The following PLAC1 variants were observed in gnomAD, a reference collection of about 807,000 sequenced individuals.
PLAC1 encodes placenta associated 1, also known as placenta-specific protein 1.
For missense variants in PLAC1, 136 were observed against 163.2 expected (o/e 0.83, Z 0.91); for synonymous variants, 68 against 62.1 (o/e 1.09, Z -0.44).
chrX:134,585,322 G>C (rs968765833), intron 2 of PLAC1, among the ~76,000 whole-genome samples: 5 of 110,364 alleles, frequency 4.5e-5, no homozygotes, highest in Middle Eastern at 4.7e-3. Context: ...ACTCCAGCCT[G>C]GGTGACAGAG....
intron 1 of PLAC1, among the ~76,000 whole-genome samples, chrX:134,611,594 T>C (rs1289492302): frequency 3.7e-5 from 4 of 108,569 alleles, no homozygotes; most frequent in African/African-American, 1.3e-4. Context: ...TATATATGCA[T>C]ATATATTTGC....
At position 134,637,327 on chromosome X, in the gene PLAC1, C is replaced by T. The variant is rs1249204012; in HGVS notation, c.-131+21001G>A. Among the ~76,000 whole-genome samples the T allele has an allele frequency of 2.7e-5, 3 of 111,630 alleles. No individual in the cohort carries two copies. In the East Asian group the frequency reaches 8.5e-4, roughly 32 times the overall value. ...CAGAAGGAAGAAGACATTGACCAGGCTTTCCCCCAACTGTTCCACCTCCCT... is the reference window on the plus strand; with the variant it reads ...CAGAAGGAAGAAGACATTGACCAGGTTTTCCCCCAACTGTTCCACCTCCCT... On this transcript the variant is annotated intron_variant, in intron 1 of 2. Transcript: ENST00000359237.
chrX:134,586,199 T>C (rs1392877645), intron 2 of PLAC1, among the ~76,000 whole-genome samples: 1 of 111,759 alleles, frequency 8.9e-6, no homozygotes, highest in Admixed American at 9.5e-5. Flanking sequence ...GGCATTTTCC[T>C]GCCCCACCGC....
chrX:134,674,756 T>C (rs912160174), intron 2 of PLAC1, among the ~76,000 whole-genome samples: 1 of 112,219 alleles, frequency 8.9e-6, no homozygotes, highest in Admixed American at 9.4e-5. Flanking sequence ...AGAAACTATT[T>C]TGGAGTATTC....
intron 1 of PLAC1, among the ~76,000 whole-genome samples, chrX:134,632,621 C>G (rs2078267573): frequency 8.9e-6 from 1 of 111,890 alleles, no homozygotes; most frequent in South Asian, 3.8e-4. Context: ...CCTGTCCCAT[C>G]CCATCAACAC....
chrX:134,634,133 A>G (rs2078273167), intron 1 of PLAC1, among the ~76,000 whole-genome samples: 1 of 111,728 alleles, frequency 9.0e-6, no homozygotes, highest in African/African-American at 3.3e-5. Context: ...ATGTTTCTAT[A>G]AAGGGGGAAA....
intron 2 of PLAC1, among the ~76,000 whole-genome samples, chrX:134,586,121 A>C (rs908109963): frequency 4.5e-5 from 5 of 111,950 alleles, no homozygotes; most frequent in African/African-American, 1.6e-4. Flanking sequence ...CTGTGAAAAA[A>C]AAAATTCTTC....
At chrX:134,576,373 C>T (rs2124354428) in intron 2 of PLAC1, among the ~76,000 whole-genome samples, 1 of 108,744 alleles carries the variant, frequency 9.2e-6, no homozygotes, top group South Asian at 4.0e-4. Flanking sequence ...CCTGTCTCTA[C>T]TAAAAACACA....
chrX:134,739,103 A>G (rs1305262421), intron 1 of PLAC1, among the ~76,000 whole-genome samples: 2 of 112,113 alleles, frequency 1.8e-5, no homozygotes, highest in East Asian at 2.8e-4. Context: ...AAAGACAAAC[A>G]TGATTTTTTA....
chrX:134,634,873 G>A (rs900067172), intron 1 of PLAC1, among the ~76,000 whole-genome samples: 2 of 111,852 alleles, frequency 1.8e-5, no homozygotes, highest in Admixed American at 1.9e-4. Flanking sequence ...CACTTCTCTC[G>A]GGTATATGTG....
intron 2 of PLAC1, among the ~76,000 whole-genome samples, chrX:134,729,979 C>T (rs764336814): frequency 5.4e-5 from 6 of 110,303 alleles, no homozygotes; most frequent in Admixed American, 1.9e-4. Flanking sequence ...TTAGTAGAGA[C>T]GGGGTTTCAC....
intron 1 of PLAC1, among the ~76,000 whole-genome samples, chrX:134,735,900 C>T (rs1314208647): frequency 1.1e-5 from 1 of 89,917 alleles, no homozygotes; most frequent in African/African-American, 4.2e-5. Flanking sequence ...AGGCTAAAAA[C>T]AAAAAGTGGG....
chrX:134,586,990 G>A (rs779502071), intron 2 of PLAC1, among the ~76,000 whole-genome samples: 13 of 109,922 alleles, frequency 1.2e-4, no homozygotes, highest in African/African-American at 4.3e-4. Context: ...GAGACACCGC[G>A]CCCAGCCCAC....
intron 1 of PLAC1, among the ~76,000 whole-genome samples, chrX:134,616,670 C>T (rs1480570186): frequency 9.0e-6 from 1 of 111,460 alleles, no homozygotes; most frequent in Non-Finnish European, 1.9e-5. Flanking sequence ...AAAAAAATTG[C>T]TTCAGCTATC....
intron 2 of PLAC1, among the ~76,000 whole-genome samples, chrX:134,676,429 G>A (rs914862770): frequency 8.9e-6 from 1 of 111,966 alleles, no homozygotes; most frequent in Non-Finnish European, 1.9e-5. Flanking sequence ...AGCAGGCTTC[G>A]TCGCCCGTGG....
rs1325121352 is a variant in PLAC1 at position 134,566,742 on chromosome X, T to C, written c.-58-2A>G. The C allele has an allele frequency of 1.1e-6, 1 of 946,682 alleles. No individual in the cohort carries two copies. The highest frequency in any genetic ancestry group is 1.4e-6 in the Non-Finnish European group (1 of 695,326). The allele number at this position is 946,682 out of a possible 1,213,427, so 78.0% of individuals were successfully genotyped here. A position where few individuals can be genotyped will look rare whatever the true frequency, so the allele number is the denominator to read the frequency against. ...CAGGAAGCCGTCCAGTGAGGATTTC[T>C]AGAGCACAAAAAAACACAAGAGGCA... On this transcript the variant is annotated splice_acceptor_variant, in intron 2 of 2. Transcript: ENST00000359237. LOFTEE classifies it low-confidence loss of function (5UTR_SPLICE).
chrX:134,710,340 G>A (rs1402208397), intron 2 of PLAC1, among the ~76,000 whole-genome samples: 1 of 111,940 alleles, frequency 8.9e-6, no homozygotes, highest in Admixed American at 9.5e-5. Context: ...ATGGTATGGT[G>A]TCATGGGAGC....
At chrX:134,618,841 A>G (rs2078197589) in intron 1 of PLAC1, among the ~76,000 whole-genome samples, 1 of 112,481 alleles carries the variant, frequency 8.9e-6, no homozygotes, top group South Asian at 3.7e-4. Context: ...CTAAAGCTGA[A>G]GTCATGCAAC....
rs555866938 is a variant in PLAC1 at position 134,620,934 on chromosome X, C to T, written c.-130-18812G>A. On this transcript the variant is annotated intron_variant, in intron 1 of 2. Transcript: ENST00000359237. Reference sequence around the variant, plus strand: ...CATTATTACTAGGCACTATGTGTAGCTAAAGTATTTACTGAATCAGAAACA... The same window carrying T: ...CATTATTACTAGGCACTATGTGTAGTTAAAGTATTTACTGAATCAGAAACA... Among the ~76,000 whole-genome samples the T allele has an allele frequency of 2.5e-4, 28 of 111,742 alleles. No homozygotes were observed. The South Asian group carries it at 0.01, about 41-fold the overall frequency.
Sources: allele counts gnomAD v4.1 joint callset (sites outside exome capture counted in the v4.1 genomes callset), GRCh38; gene constraint gnomAD v4.1.1; transcripts MANE v1.5; gene names NCBI Gene and HGNC (gene_info 2026-07-23, HGNC 2026-07-21).